COX15: variants seen among roughly 807,000 people sequenced by gnomAD.
COX15 encodes heme A synthase COX15.
COX15 carries 51 observed loss-of-function variants against 51.9 expected under a neutral mutation model. The observed-to-expected ratio is 0.98, with a 90% CI of 0.78 to 1.24. The LOEUF (loss-of-function observed/expected upper bound fraction) is 1.24, where lower values mean the gene tolerates loss of function less well. Ranked by LOEUF, COX15 falls within the 50% of genes most tolerant of loss-of-function variation. COX15 has a pLI of 0.00. For missense variants in COX15, 420 were observed against 501.1 expected (o/e 0.84, Z 1.55); for synonymous variants, 188 against 190.5 (o/e 0.99, Z 0.11).
intron 4 of COX15, 98 bp downstream of exon 4, chr10:99,726,870 A>G: frequency 8.0e-7 from 1 of 1,253,574 alleles, no homozygotes; most frequent in East Asian, 2.5e-5. Context: ...CCTGGGCGAC[A>G]CAGCGAGACT....
At chr10:99,717,469 C>T (rs111939035) in intron 7 of COX15, among the ~76,000 whole-genome samples, 1,622 of 152,290 alleles carry the variant, frequency 0.011, 14 homozygotes, top group Admixed American at 0.014. Context: ...CCTTAGCCTC[C>T]CAAAGTGCTG....
In COX15 at chr10:99,729,633, A is replaced by T; in HGVS notation, c.192T>A (p.Ala64=). The change falls in exon 2 of 9, where the codon GCT becomes GCA. Residue 64 remains alanine, a synonymous_variant. Coordinates refer to ENST00000016171, the MANE Select transcript of COX15 (RefSeq NM_078470.6). ...GRGTVSLPSK[A]AERVVGRWLL... is the part of the protein sequence containing the mutation. ...GCCATCGGCCCACCACCCGCTCAGC[A>T]GCCTTTGAGGGAAGGGACACTGTAC... The T allele has an allele frequency of 6.2e-7, 1 of 1,614,086 alleles. No homozygotes were observed. Among genetic ancestry groups the T allele is most frequent in the Non-Finnish European group, 8.5e-7 (1 of 1,180,018 alleles).
rs543364106 is a variant in COX15 at position 99,713,702 on chromosome 10, G to A, written c.*885C>T. 6.4e-5 allele frequency: 43 copies of A among 671,660 alleles called. No homozygotes were observed. In the East Asian group the frequency reaches 1.3e-3, roughly 21 times the overall value. The allele number at this position is 671,660 out of a possible 1,614,324, so 41.6% of individuals were successfully genotyped here. The stretch of plus-strand genomic sequence containing the variant: ...AAAGAGGAACTAGCTGGGCGTGGTG[G>A]CCCATGCCTGTAATCTCAGCACTTT... On this transcript the variant is annotated 3_prime_UTR_variant, in exon 9 of 9. Coordinates refer to ENST00000016171, the MANE Select transcript of COX15 (RefSeq NM_078470.6).
In COX15 at chr10:99,729,030, A is replaced by G. The variant is rs932947445; in HGVS notation, c.272+523T>C. Among the ~76,000 whole-genome samples the G allele has an allele frequency of 2.6e-5, 4 of 152,180 alleles. No homozygotes were observed. The East Asian group carries it at 5.8e-4, about 22-fold the overall frequency. ...TGCACAGGTACCAGTTAAGACATAAACCAGTCTTTATAGAAGGCTCCTACT... is the reference window on the plus strand; with the variant it reads ...TGCACAGGTACCAGTTAAGACATAAGCCAGTCTTTATAGAAGGCTCCTACT... On this transcript the variant is annotated intron_variant, in intron 2 of 8. Coordinates refer to ENST00000016171, the MANE Select transcript of COX15 (RefSeq NM_078470.6).
intron 4 of COX15, among the ~76,000 whole-genome samples, chr10:99,724,502 G>A (rs1158607909): frequency 6.6e-6 from 1 of 152,036 alleles, no homozygotes; most frequent in Non-Finnish European, 1.5e-5. Flanking sequence ...CTTTACTGAG[G>A]AAATGAGCTA....
rs886046605 is a variant in COX15, at chr10:99,712,128, C to A, written c.*2459G>T. 7.2e-6 allele frequency: 5 copies of A among 696,184 alleles called. No individual in the cohort carries two copies. Among genetic ancestry groups the A allele is most frequent in the Non-Finnish European group, 1.8e-6 (1 of 565,784 alleles). 43.1% of individuals were successfully genotyped at this position (696,184 alleles called of 1,614,324 possible). On this transcript the variant is annotated 3_prime_UTR_variant, in exon 9 of 9. Transcript: ENST00000016171. ...ACATAAGGGATCCGCCCCCATGACC[C>A]AAATACCTCCTACTAGGCCCACCTC...
At chr10:99,702,770 A>C in the COX15 span, 3 of 1,216,420 alleles carry the variant, frequency 2.5e-6, no homozygotes, top group Non-Finnish European at 3.3e-6. Context: ...ACCAGCTTAG[A>C]ATAGGTCTTA....
intron 6 of COX15, among the ~76,000 whole-genome samples, chr10:99,720,145 G>A (rs1590090137): frequency 6.6e-6 from 1 of 152,104 alleles, no homozygotes; most frequent in African/African-American, 2.4e-5. Flanking sequence ...GTGGAAGTGT[G>A]GGTTAAAGAA....
At chr10:99,717,832 G>A (rs916889513) in intron 7 of COX15, among the ~76,000 whole-genome samples, 30 of 152,014 alleles carry the variant, frequency 2.0e-4, no homozygotes, top group South Asian at 2.1e-4. Context: ...ATCTTTCCCC[G>A]CTCCAATTCA....
At position 99,732,069 on chromosome 10, in the gene COX15, C is replaced by A. The variant is rs1487466533; in HGVS notation, c.-20G>T. ...CTGCATACTGATGACAGGGAACAGC[C>A]ACCTCTTCCACAACCCAGGGCTCTG... On this transcript the variant is annotated 5_prime_UTR_variant, in exon 1 of 9. Coordinates refer to ENST00000016171, the MANE Select transcript of COX15 (RefSeq NM_078470.6). 2 of 1,608,556 alleles carry A rather than the reference C, an allele frequency of 1.2e-6. No individual in the cohort carries two copies. The highest frequency in any genetic ancestry group is 1.7e-5 in the Admixed American group (1 of 59,194).
chr10:99,716,055 G>A (rs1463805079), intron 8 of COX15, among the ~76,000 whole-genome samples: 5 of 146,416 alleles, frequency 3.4e-5, no homozygotes, highest in East Asian at 2.0e-4. Flanking sequence ...GCAGCGGTGC[G>A]ATCTTGACTC....
chr10:99,695,028 TAAAAG>T, the COX15 span, among the ~76,000 whole-genome samples: 1 of 152,112 alleles, frequency 6.6e-6, no homozygotes, highest in Non-Finnish European at 1.5e-5. Flanking sequence ...AGTATGAAGA[TAAAAG>T]AGAATAAATA....
chr10:99,698,741 G>A, the COX15 span: 41 of 1,614,064 alleles, frequency 2.5e-5, no homozygotes, highest in Middle Eastern at 1.6e-4. Flanking sequence ...TATATCAATC[G>A]CCTATTGACT....
At chr10:99,698,523 C>T in the COX15 span, 4 of 1,605,936 alleles carry the variant, frequency 2.5e-6, no homozygotes, top group Non-Finnish European at 3.4e-6. Flanking sequence ...TTGTTTTTGT[C>T]ATTGTGGCAG....
chr10:99,731,264 G>A (rs1237337477), intron 1 of COX15, among the ~76,000 whole-genome samples: 1 of 152,060 alleles, frequency 6.6e-6, no homozygotes, highest in African/African-American at 2.4e-5. Context: ...GGCAGTGTCC[G>A]GTCAGTCTTG....
chr10:99,705,476 T>C, the COX15 span: 1 of 152,242 alleles, frequency 6.6e-6, no homozygotes, highest in Non-Finnish European at 1.5e-5. Flanking sequence ...ATGGAGAAAC[T>C]GTGATGGGGA....
chr10:99,696,718 T>G, the COX15 span, among the ~76,000 whole-genome samples: 3 of 152,260 alleles, frequency 2.0e-5, no homozygotes, highest in Admixed American at 6.5e-5. Flanking sequence ...GTTTCTTTTT[T>G]GTTTTTTAAG....
At position 99,729,593 on chromosome 10, in the gene COX15, C is replaced by T. The variant is rs2037071607; in HGVS notation, c.232G>A (p.Gly78Arg). 1.2e-6 allele frequency: 2 copies of T among 1,613,852 alleles called. No individual in the cohort carries two copies. Among genetic ancestry groups the T allele is most frequent in the African/African-American group, 1.3e-5 (1 of 74,914 alleles). The change falls in exon 2 of 9, where the codon GGA becomes AGA. Residue 78 changes from glycine (G) to arginine (R), a missense_variant. Physicochemically the swap from Gly to Arg is moderately radical, Grantham distance 125. Transcript: ENST00000016171. ...VVGRWLLVCS[G>R]TVAGAVILGG... ...AGAATAACTGCTCCAGCCACTGTTC[C>T]ACTGCAGACCAGGAGCCATCGGCCC...
Position 99,723,948 on chromosome 10 carries a change from A to G in COX15, c.750+8T>C, listed in dbSNP as rs575425159. On this transcript the variant is annotated splice_region_variant and intron_variant, in intron 5 of 8. Transcript: ENST00000016171. ...TCTTGAACACAGATATTTGCACACA[A>G]CTCTTACCTTGTGCGGAGGGAGTAG... 26 of 1,613,508 alleles carry G rather than the reference A, an allele frequency of 1.6e-5. No homozygotes were observed. The African/African-American group carries it at 3.2e-4, about 20-fold the overall frequency.
Sources: gnomAD v4.1 joint callset for allele counts (sites outside exome capture counted in the v4.1 genomes callset) on GRCh38, gnomAD v4.1.1 for gene constraint, MANE v1.5 for transcripts, NCBI Gene and HGNC (gene_info 2026-07-23, HGNC 2026-07-21) for gene names.